The following ATP2B1 variants were observed in gnomAD, a reference collection of about 807,000 sequenced individuals.
ATP2B1 encodes the protein ATPase plasma membrane Ca2+ transporting 1.
A neutral mutation model predicts 124.2 loss-of-function variants in ATP2B1; 14 were observed. The ratio of observed to expected loss-of-function variants is 0.11; its 90% confidence interval spans 0.07 to 0.18. The LOEUF (loss-of-function observed/expected upper bound fraction) is 0.18. Ranked by LOEUF, ATP2B1 falls within the 10% of genes least tolerant of loss-of-function variation. The pLI, the probability that ATP2B1 is intolerant of heterozygous loss-of-function variation, is 1.00. For synonymous variants in ATP2B1, 449 were observed against 492.4 expected (o/e 0.91, Z 1.17); for missense variants, 763 against 1,466.1 (o/e 0.52, Z 7.83).
chr12:89,610,737 T>C (rs1000456091), intron 13 of ATP2B1: 38 of 475,428 alleles, frequency 8.0e-5, no homozygotes, highest in African/African-American at 6.4e-4. Context: ...CTAGGTGACT[T>C]TGATGCATAC....
chr12:89,616,812 A>T lies in ATP2B1; in HGVS notation c.2057T>A (p.Val686Glu), dbSNP rs780281004. The change falls in exon 12 of 21, where the codon GTG becomes GAG. Residue 686 changes from valine (V) to glutamate (E), a missense_variant. By Grantham distance (121) the Val-to-Glu change is moderately radical. This residue lies in a region of ATP2B1 where 392 missense variants were observed against 776.6 expected (regional missense o/e 0.50). Transcript: ENST00000428670. The part of the protein sequence containing the change: ...CIAVVGIEDP[V>E]RPEVPDAIKK... ...AGAATGTTTCACCACCTCAGGTCTC[A>T]CAGGATCTTCAATCCCCACAACAGC... is the stretch of plus-strand genomic sequence containing the variant. 1 of 1,613,358 alleles carries T rather than the reference A, an allele frequency of 6.2e-7. No individual in the cohort carries two copies. Among genetic ancestry groups the T allele is most frequent in the South Asian group, 1.1e-5 (1 of 91,052 alleles).
intron 1 of ATP2B1, among the ~76,000 whole-genome samples, chr12:89,698,770 C>T (rs1027778860): frequency 2.0e-5 from 3 of 152,076 alleles, no homozygotes; most frequent in East Asian, 1.9e-4. Context: ...AGCCAATGTC[C>T]GATTCTTGAG....
rs1592715804 is a variant in ATP2B1, at chr12:89,603,370, G to A, written c.2849-116C>T. ...TTTGATCTGAAATGGCAGCATGGAA[G>A]GAGCTAGAGAAACCTGGGATTATCT... On this transcript the variant is annotated intron_variant, in intron 17 of 20. Coordinates refer to ENST00000428670, the MANE Select transcript of ATP2B1 (RefSeq NM_001366521.1). The surrounding 1 kb of genome is among the most constrained non-coding windows in gnomAD (Gnocchi z 4.3). 1.1e-6 allele frequency: 1 copy of A among 883,860 alleles called. No individual in the cohort carries two copies. The highest frequency in any genetic ancestry group is 1.8e-5 in the South Asian group (1 of 54,054). 54.8% of individuals were successfully genotyped at this position (883,860 alleles called of 1,614,324 possible).
chr12:89,656,241 T>C, intron 1 of ATP2B1, 134 bp from the exon 2 acceptor site: 1 of 389,270 alleles, frequency 2.6e-6, no homozygotes, highest in Non-Finnish European at 4.5e-6. Flanking sequence ...ACTCCAGTCT[T>C]GTGCTTTTAA....
chr12:89,656,797 T>C (rs1886004588), intron 1 of ATP2B1, among the ~76,000 whole-genome samples: 1 of 152,214 alleles, frequency 6.6e-6, no homozygotes, highest in Admixed American at 6.5e-5. Context: ...TCTACTCTTT[T>C]GTTGTCCTTG....
intron 1 of ATP2B1, among the ~76,000 whole-genome samples, chr12:89,691,220 G>T (rs1159918788): frequency 1.3e-5 from 2 of 151,986 alleles, no homozygotes; most frequent in East Asian, 3.9e-4. Context: ...CTATTATATG[G>T]ATTAAATGAT....
intron 1 of ATP2B1, among the ~76,000 whole-genome samples, chr12:89,708,292 C>T (rs1369241382): frequency 6.6e-6 from 1 of 152,142 alleles, no homozygotes; most frequent in Non-Finnish European, 1.5e-5. Context: ...CGAAGACCTG[C>T]GGGTGTAGAC....
At chr12:89,674,484 T>C (rs1263271916) in intron 1 of ATP2B1, among the ~76,000 whole-genome samples, 1 of 152,092 alleles carries the variant, frequency 6.6e-6, no homozygotes, top group Non-Finnish European at 1.5e-5. Context: ...CTCAAAGTAC[T>C]ACCTCTGGCT....
intron 11 of ATP2B1, among the ~76,000 whole-genome samples, chr12:89,619,146 A>C (rs563682222): frequency 6.6e-6 from 1 of 152,372 alleles, no homozygotes; most frequent in Admixed American, 6.5e-5. Flanking sequence ...TTAGTATTCA[A>C]AATGACAGGA....
chr12:89,648,274 C>T (rs1001469356), intron 2 of ATP2B1, among the ~76,000 whole-genome samples: 2 of 152,094 alleles, frequency 1.3e-5, no homozygotes, highest in Admixed American at 6.5e-5. Flanking sequence ...ACGGTTCTGA[C>T]CAAAATGCTG....
Position 89,591,024 on chromosome 12 carries a change from G to T in ATP2B1, c.3623C>A (p.Ser1208Tyr), listed in dbSNP as rs1340316854. The T allele has an allele frequency of 6.2e-7, 1 of 1,612,938 alleles. No homozygotes were observed. The highest frequency in any genetic ancestry group is 8.5e-7 in the Non-Finnish European group (1 of 1,179,260). Residue 1208 changes from serine (S) to tyrosine (Y), a missense_variant, in exon 21 of 21, where the codon TCC (serine) becomes TAC (tyrosine). By Grantham distance (144) the Ser-to-Tyr change is moderately radical. Transcript: ENST00000428670. ...CAAACTATGTAGTGGGCTTCCTGGG[G>T]ATGAAGAGGTAGCAGACTTGTTCAT... is the stretch of plus-strand genomic sequence containing the variant. ...IEMNKSATSS[S>Y]PGSPLHSLET...
At position 89,616,491 on chromosome 12, in the gene ATP2B1, T is replaced by C. The variant is rs571317237; in HGVS notation, c.2067+311A>G. On this transcript the variant is annotated intron_variant, in intron 12 of 20. Transcript: ENST00000428670. Reference sequence around the variant, plus strand: ...TACTAGACAATGCTAGTCTAGAGACTGTGAAAACAAATAATGGCACCTATT... The same window carrying C: ...TACTAGACAATGCTAGTCTAGAGACCGTGAAAACAAATAATGGCACCTATT... Among the ~76,000 whole-genome samples, 5 of 152,284 alleles carry C rather than the reference T, an allele frequency of 3.3e-5. No homozygotes were observed. In the East Asian group the frequency reaches 9.6e-4, roughly 29 times the overall value.
At chr12:89,666,255 T>C (rs764330857) in intron 1 of ATP2B1, among the ~76,000 whole-genome samples, 5 of 152,222 alleles carry the variant, frequency 3.3e-5, no homozygotes, top group Admixed American at 6.5e-5. Flanking sequence ...CAGGGATGTG[T>C]TGAACTGTAG....
At chr12:89,689,853 G>T (rs1452064254) in intron 1 of ATP2B1, among the ~76,000 whole-genome samples, 1 of 152,072 alleles carries the variant, frequency 6.6e-6, no homozygotes, top group Non-Finnish European at 1.5e-5. Flanking sequence ...CAAAAGTTTA[G>T]CAAATGTTTT....
In ATP2B1 at chr12:89,588,766, C is replaced by G. The variant is rs1259533656; in HGVS notation, c.*2218G>C. 6.6e-6 allele frequency: 1 copy of G among 152,574 alleles called. No individual in the cohort carries two copies. Among genetic ancestry groups the G allele is most frequent in the Non-Finnish European group, 1.5e-5 (1 of 68,016 alleles). The allele number at this position is 152,574 out of a possible 1,614,324, so 9.5% of individuals were successfully genotyped here. ...CAATACAAATCCTCCAAAGCACATG[C>G]ACTTCTAAATCTTTTGGTAATTACA... On this transcript the variant is annotated 3_prime_UTR_variant, in exon 21 of 21. Transcript: ENST00000428670.
intron 20 of ATP2B1, among the ~76,000 whole-genome samples, chr12:89,595,096 G>C (rs1015133083): frequency 6.6e-6 from 1 of 152,048 alleles, no homozygotes; most frequent in African/African-American, 2.4e-5. Flanking sequence ...CTTTTTCTGT[G>C]AAGTGCCAGA....
chr12:89,642,294 T>C lies in ATP2B1; in HGVS notation c.270A>G (p.Ile90Met), dbSNP rs1200227330. The change falls in exon 3 of 21, where the codon ATA (isoleucine) becomes ATG (methionine). Residue 90 changes from isoleucine to methionine, a missense_variant. Ile to Met is a conservative substitution (Grantham distance 10). This residue lies in a region of ATP2B1 where 93 missense variants were observed against 112.7 expected (regional missense o/e 0.83). Transcript: ENST00000428670. ...GAAAGGTTTTTGGCTTTTTAGGAGG[T>C]ATAAAATTCTTTCCAAACACTGCTT... ...RREAVFGKNF[I>M]PPKKPKTFLQ... The C allele has an allele frequency of 6.2e-7, 1 of 1,613,792 alleles. No homozygotes were observed. The highest frequency in any genetic ancestry group is 1.7e-5 in the Admixed American group (1 of 60,018).
intron 2 of ATP2B1, among the ~76,000 whole-genome samples, chr12:89,652,004 T>A (rs998154847): frequency 3.3e-5 from 5 of 152,188 alleles, no homozygotes; most frequent in African/African-American, 1.2e-4. Flanking sequence ...ATGTCTTGGG[T>A]TGCTCCTCCA....
chr12:89,672,840 T>A (rs1325876840), intron 1 of ATP2B1, among the ~76,000 whole-genome samples: 1 of 152,222 alleles, frequency 6.6e-6, no homozygotes, highest in Non-Finnish European at 1.5e-5. Context: ...TTAAGTCTAG[T>A]GCGGTTATCT....
Sources: allele counts gnomAD v4.1 joint callset (sites outside exome capture counted in the v4.1 genomes callset), GRCh38; gene constraint gnomAD v4.1.1; regional missense constraint gnomAD v4.1.1; non-coding constraint Gnocchi (gnomAD v3.1); transcripts MANE v1.5; gene names NCBI Gene and HGNC (gene_info 2026-07-23, HGNC 2026-07-21).